RGS12: variants seen among roughly 807,000 people sequenced by gnomAD.
RGS12 encodes regulator of G-protein signaling 12.
In RGS12, 66 loss-of-function variants were observed where a neutral mutation model predicts 120.1. The ratio of observed to expected loss-of-function variants is 0.55; its 90% confidence interval spans 0.45 to 0.67. The LOEUF is 0.67. Among genes scored for constraint, RGS12 ranks in the 30% least tolerant of loss-of-function variants. The pLI is 0.00. For missense variants in RGS12, 1,859 were observed against 1,957.7 expected (o/e 0.95, Z 0.95); for synonymous variants, 827 against 804.7 (o/e 1.03, Z -0.47).
intron 10 of RGS12, 110 bp from the exon 11 acceptor site, chr4:3,422,266 C>T (rs992179910): frequency 2.4e-5 from 26 of 1,090,538 alleles, no homozygotes; most frequent in African/African-American, 9.5e-5. Context: ...CGTGGCAGGG[C>T]GCCAGCCTCC....
chr4:3,428,752 C>A, intron 16 of RGS12, 41 bp downstream of exon 16: 4 of 1,530,438 alleles, frequency 2.6e-6, no homozygotes, highest in Non-Finnish European at 3.5e-6. Flanking sequence ...TTAGTAAATG[C>A]ACAGTTAGTT....
chr4:3,423,373 G>A (rs1389413473), intron 12 of RGS12, 142 bp from the exon 13 acceptor site: 12 of 1,140,936 alleles, frequency 1.1e-5, no homozygotes, highest in Admixed American at 3.7e-5. Context: ...AGGAAGGCAC[G>A]TTCTGATCAG....
At chr4:3,361,594 C>T (rs1715568241) in intron 3 of RGS12, among the ~76,000 whole-genome samples, 1 of 152,102 alleles carries the variant, frequency 6.6e-6, no homozygotes, top group African/African-American at 2.4e-5. Flanking sequence ...AAACCGAGGG[C>T]ATGAACTGGC....
intron 9 of RGS12, chr4:3,417,798 A>G (rs1235259657): frequency 4.2e-6 from 2 of 473,980 alleles, no homozygotes; most frequent in African/African-American, 3.9e-5. Context: ...GCCCATGCCT[A>G]CCTCAGGCCT....
upstream of RGS12, among the ~76,000 whole-genome samples, chr4:3,292,581 C>T (rs1361930074): frequency 6.6e-6 from 1 of 152,212 alleles, no homozygotes; most frequent in Admixed American, 6.5e-5. Flanking sequence ...GGGACTTCCT[C>T]GGACACCGAC....
At chr4:3,310,539 G>T (rs1724325605) in intron 1 of RGS12, among the ~76,000 whole-genome samples, 1 of 152,216 alleles carries the variant, frequency 6.6e-6, no homozygotes, top group Non-Finnish European at 1.5e-5. Context: ...TGCTGCTCTG[G>T]GTCCAGGGAA....
chr4:3,368,429 TGTGTGG>T (rs72235502), intron 3 of RGS12, among the ~76,000 whole-genome samples: 4 of 94,850 alleles, frequency 4.2e-5, no homozygotes, highest in East Asian at 3.9e-4. Flanking sequence ...TGCCTGTGTG[TGTGTGG>T]GTGCCTGTGT....
chr4:3,375,991 G>C (rs1717647741), intron 3 of RGS12, among the ~76,000 whole-genome samples: 1 of 152,352 alleles, frequency 6.6e-6, no homozygotes, highest in East Asian at 1.9e-4. Flanking sequence ...AGCTGAGGAG[G>C]GCAAAGGCCT....
chr4:3,286,013 C>T, the RGS12 span, among the ~76,000 whole-genome samples: 16 of 152,332 alleles, frequency 1.1e-4, no homozygotes, highest in Non-Finnish European at 1.6e-4. Context: ...CTCCAGGGAC[C>T]GCTGGGGCCG....
intron 4 of RGS12, among the ~76,000 whole-genome samples, chr4:3,397,256 G>C (rs1241945064): frequency 2.6e-5 from 4 of 152,218 alleles, no homozygotes; most frequent in African/African-American, 9.6e-5. Flanking sequence ...GTGCCTCTGG[G>C]TGCCGAGGTG....
At chr4:3,354,714 A>C (rs1714700014) in intron 3 of RGS12, among the ~76,000 whole-genome samples, 1 of 152,212 alleles carries the variant, frequency 6.6e-6, no homozygotes, top group Non-Finnish European at 1.5e-5. Flanking sequence ...TGAGAATACT[A>C]CATATCTAAA....
chr4:3,410,954 C>T (rs988191395), intron 4 of RGS12, among the ~76,000 whole-genome samples: 7 of 152,216 alleles, frequency 4.6e-5, no homozygotes, highest in African/African-American at 1.7e-4. Context: ...TGTCCAGGGA[C>T]TTGGCTGATG....
chr4:3,377,080 C>T (rs929292516), intron 3 of RGS12, among the ~76,000 whole-genome samples: 2 of 151,018 alleles, frequency 1.3e-5, no homozygotes, highest in Non-Finnish European at 2.9e-5. Context: ...GGTGTGATCA[C>T]GGCTCACTGC....
At chr4:3,368,457 G>A (rs1460036675) in intron 3 of RGS12, among the ~76,000 whole-genome samples, 27 of 93,812 alleles carry the variant, frequency 2.9e-4, no homozygotes, top group Non-Finnish European at 5.4e-4. Flanking sequence ...TGTGTGGGGT[G>A]CCTTTGTGTG....
chr4:3,401,441 A>G (rs1382695341), intron 4 of RGS12, among the ~76,000 whole-genome samples: 1 of 152,224 alleles, frequency 6.6e-6, no homozygotes, highest in Non-Finnish European at 1.5e-5. Flanking sequence ...TGTGCCTCGC[A>G]CTGTTTGTCA....
At chr4:3,382,591 C>T (rs145828937) in intron 3 of RGS12, among the ~76,000 whole-genome samples, 1 of 152,202 alleles carries the variant, frequency 6.6e-6, no homozygotes, top group East Asian at 1.9e-4. Context: ...AGGAGTTCTC[C>T]ACAGTCGTTT....
At chr4:3,434,469 G>A (rs945188912) in intron 17 of RGS12, among the ~76,000 whole-genome samples, 1 of 152,136 alleles carries the variant, frequency 6.6e-6, no homozygotes, top group Non-Finnish European at 1.5e-5. Context: ...GTGTGCACCT[G>A]CCATGTGTCT....
chr4:3,386,378 GGCTT>G, intron 3 of RGS12, 34 bp from the exon 4 acceptor site: 1 of 1,604,492 alleles, frequency 6.2e-7, no homozygotes, highest in Non-Finnish European at 8.5e-7. Flanking sequence ...TTTGTCATGA[GGCTT>G]AATTAACTCA....
intron 1 of RGS12, among the ~76,000 whole-genome samples, chr4:3,294,945 G>A (rs1175347851): frequency 1.3e-5 from 2 of 152,204 alleles, no homozygotes; most frequent in African/African-American, 4.8e-5. Context: ...GAGGGCAGGG[G>A]TGGCGCGGCC....
Sources: allele counts gnomAD v4.1 joint callset (sites outside exome capture counted in the v4.1 genomes callset), GRCh38; gene constraint gnomAD v4.1.1; transcripts MANE v1.5; gene names NCBI Gene and HGNC (gene_info 2026-07-23, HGNC 2026-07-21).